Variants in TBCK observed in about 807,000 individuals in gnomAD.
The protein encoded by TBCK is TBC1 domain containing kinase.
A neutral mutation model predicts 113.4 loss-of-function variants in TBCK; 99 were observed. The observed-to-expected ratio is 0.87, with a 90% CI of 0.74 to 1.03. The LOEUF (loss-of-function observed/expected upper bound fraction) is 1.03, where lower values mean the gene tolerates loss of function less well. Among genes scored for constraint, TBCK ranks in the 50% least tolerant of loss-of-function variants. The pLI, the probability that TBCK is intolerant of heterozygous loss-of-function variation, is 0.00. For missense variants in TBCK, 1,045 were observed against 1,061.3 expected, an observed-to-expected ratio of 0.98 and a Z score of 0.21; for synonymous variants, 369 against 370.8, an observed-to-expected ratio of 1.00 and a Z score of 0.05.
chr4:106,156,145 G>A (rs143823552), intron 23 of TBCK, among the ~76,000 whole-genome samples: 8 of 152,192 alleles, frequency 5.3e-5, no homozygotes, highest in East Asian at 1.9e-4. Flanking sequence ...GAGGTACTGC[G>A]TTCATGGTCT....
chr4:106,177,571 T>C (rs1278304659), intron 22 of TBCK, among the ~76,000 whole-genome samples: 1 of 151,936 alleles, frequency 6.6e-6, no homozygotes, highest in Non-Finnish European at 1.5e-5. Flanking sequence ...CCCAGCACCA[T>C]TTATTAAAAA....
At position 106,046,186 on chromosome 4, in the gene TBCK, G is replaced by GTGTA. The variant is rs1734201985; in HGVS notation, c.*380_*383dup. On this transcript the variant is annotated 3_prime_UTR_variant, in exon 26 of 26. Transcript: ENST00000394708. ...AGATGATGATTTCAGCCCACATTCA[G>GTGTA]TGTATGTTTCTAAATAACACAATCG... 1 of 157,782 alleles carries GTGTA rather than the reference G, an allele frequency of 6.3e-6. No individual in the cohort carries two copies. Among genetic ancestry groups the GTGTA allele is most frequent in the Non-Finnish European group, 1.4e-5 (1 of 71,994 alleles). The allele number at this position is 157,782 out of a possible 1,614,324, so 9.8% of individuals were successfully genotyped here. A position where few individuals can be genotyped will look rare whatever the true frequency, so the allele number is the denominator to read the frequency against.
intron 3 of TBCK, among the ~76,000 whole-genome samples, chr4:106,267,871 A>T (rs1763130682): frequency 6.6e-6 from 1 of 152,016 alleles, no homozygotes; most frequent in Non-Finnish European, 1.5e-5. Flanking sequence ...GTTAAAACAT[A>T]CTGAGGCCAA....
chr4:106,302,229 C>T (rs182604541), intron 2 of TBCK, among the ~76,000 whole-genome samples: 38 of 152,236 alleles, frequency 2.5e-4, no homozygotes, highest in African/African-American at 9.1e-4. Context: ...ACAGGAGTAG[C>T]AGGGCAGGTC....
In TBCK at chr4:106,262,008, T is replaced by C. The variant is rs1762552240; in HGVS notation, c.381+90A>G. ...GAATATTCTTAAAACATATTCTGAT[T>C]CTATTGTTCCTCTGACTGAGTAGCC... On this transcript the variant is annotated intron_variant, in intron 4 of 25. Coordinates refer to ENST00000394708, the MANE Select transcript of TBCK (RefSeq NM_001163435.3). 5 of 566,512 alleles carry C rather than the reference T, an allele frequency of 8.8e-6. No homozygotes were observed. The East Asian group carries it at 1.6e-4, about 18-fold the overall frequency. 35.1% of individuals were successfully genotyped at this position (566,512 alleles called of 1,614,324 possible). A position where few individuals can be genotyped will look rare whatever the true frequency, so the allele number is the denominator to read the frequency against.
chr4:106,218,589 C>T (rs1579286874), intron 19 of TBCK, among the ~76,000 whole-genome samples: 1 of 64,710 alleles, frequency 1.5e-5, no homozygotes, highest in African/African-American at 5.8e-5. Flanking sequence ...CAAAAGAAGA[C>T]ATTTATGCAG....
intron 22 of TBCK, among the ~76,000 whole-genome samples, chr4:106,171,506 T>G (rs964496755): frequency 6.6e-6 from 1 of 152,146 alleles, no homozygotes; most frequent in African/African-American, 2.4e-5. Context: ...TACTTATGTT[T>G]TCATGTGTGT....
intron 2 of TBCK, among the ~76,000 whole-genome samples, chr4:106,298,429 GTCTCTAC>G (rs1766546118): frequency 6.7e-6 from 1 of 149,886 alleles, no homozygotes. Flanking sequence ...GTGAAACCTT[GTCTCTAC>G]TAAAAATATG....
intron 3 of TBCK, among the ~76,000 whole-genome samples, chr4:106,263,593 T>C (rs1464039772): frequency 6.6e-6 from 1 of 151,904 alleles, no homozygotes; most frequent in Admixed American, 6.6e-5. Flanking sequence ...GGTTACATAA[T>C]TTTGTTTATC....
intron 3 of TBCK, among the ~76,000 whole-genome samples, chr4:106,292,260 A>G (rs1765800782): frequency 1.3e-5 from 2 of 152,098 alleles, no homozygotes; most frequent in Admixed American, 6.5e-5. Flanking sequence ...TATGATTAAA[A>G]TTATCAACCT....
intron 24 of TBCK, among the ~76,000 whole-genome samples, chr4:106,104,193 G>A (rs887659879): frequency 6.6e-6 from 1 of 152,178 alleles, no homozygotes; most frequent in Admixed American, 6.5e-5. Context: ...ATACCCGTAG[G>A]AAAGAGGCCG....
At chr4:106,109,844 G>A (rs990185042) in intron 24 of TBCK, among the ~76,000 whole-genome samples, 11 of 152,144 alleles carry the variant, frequency 7.2e-5, no homozygotes, top group Admixed American at 7.2e-4. Context: ...GACTGTAGGA[G>A]ATTGGTCAGG....
At position 106,190,425 on chromosome 4, in the gene TBCK, T is replaced by C. The variant is rs116296824; in HGVS notation, c.2059+3184A>G. On this transcript the variant is annotated intron_variant, in intron 22 of 25. Transcript: ENST00000394708. ...ACTGTCCACTCATCTGATGGTGATA[T>C]TGAACCACAACATTGATACCTGCTT... is the stretch of plus-strand genomic sequence containing the variant. Among the ~76,000 whole-genome samples, 474 of 152,316 alleles carry C rather than the reference T, an allele frequency of 3.1e-3. 2 individuals are homozygous for C. The highest frequency in any genetic ancestry group is 0.011 in the African/African-American group (438 of 41,578).
intron 2 of TBCK, among the ~76,000 whole-genome samples, chr4:106,296,044 G>C (rs565077824): frequency 4.3e-4 from 66 of 152,158 alleles, no homozygotes; most frequent in Middle Eastern, 6.8e-3. Context: ...ATAAAACAGT[G>C]GTAGACATGA....
intron 9 of TBCK, 81 bp downstream of exon 9, chr4:106,248,164 C>T (rs2150053191): frequency 2.4e-6 from 2 of 844,706 alleles, no homozygotes; most frequent in Admixed American, 2.7e-5. Context: ...ATCTTTAATC[C>T]ATTATATTAA....
At chr4:106,153,594 T>C (rs182285732) in intron 23 of TBCK, among the ~76,000 whole-genome samples, 12 of 152,276 alleles carry the variant, frequency 7.9e-5, no homozygotes, top group Non-Finnish European at 1.5e-4. Flanking sequence ...TGGTCTATAA[T>C]GCAGGTTAAG....
At chr4:106,148,701 T>C (rs1305381157) in intron 23 of TBCK, among the ~76,000 whole-genome samples, 1 of 152,174 alleles carries the variant, frequency 6.6e-6, no homozygotes, top group Non-Finnish European at 1.5e-5. Context: ...GTTGTTCCAT[T>C]TATAGAACAC....
At chr4:106,291,530 C>A (rs1765712706) in intron 3 of TBCK, among the ~76,000 whole-genome samples, 1 of 152,214 alleles carries the variant, frequency 6.6e-6, no homozygotes, top group African/African-American at 2.4e-5. Context: ...TTCAAAACTG[C>A]TTTGTCACAT....
intron 25 of TBCK, among the ~76,000 whole-genome samples, chr4:106,053,782 C>T (rs1276649054): frequency 6.6e-6 from 1 of 151,646 alleles, no homozygotes; most frequent in Non-Finnish European, 1.5e-5. Context: ...CTCCTCTACC[C>T]AATCCTCTCC....
Sources: gnomAD v4.1 joint callset for allele counts (sites outside exome capture counted in the v4.1 genomes callset) on GRCh38, gnomAD v4.1.1 for gene constraint, MANE v1.5 for transcripts, NCBI Gene and HGNC (gene_info 2026-07-23, HGNC 2026-07-21) for gene names.